Variants in PRMT8 observed in about 807,000 individuals in gnomAD.
The protein encoded by PRMT8 is protein arginine N-methyltransferase 8.
In PRMT8, 7 loss-of-function variants were observed where a neutral mutation model predicts 47.1. That is an observed-to-expected ratio of 0.15 (90% CI 0.08 to 0.28). The LOEUF is 0.28. PRMT8 is among the 10% of genes least tolerant of loss of function. The probability of loss-of-function intolerance (pLI) is 1.00; values close to 1 mark genes in which losing one functional copy is unlikely to be tolerated. For synonymous variants in PRMT8, 188 were observed against 186.5 expected (o/e 1.01, Z -0.07); for missense variants, 237 against 505.4 (o/e 0.47, Z 5.09).
Position 3,569,372 on chromosome 12 carries a change from G to A in PRMT8, c.625-105G>A, listed in dbSNP as rs1282905108. 2 of 922,438 alleles carry A rather than the reference G, an allele frequency of 2.2e-6. No individual in the cohort carries two copies. Among genetic ancestry groups the A allele is most frequent in the Non-Finnish European group, 1.8e-6 (1 of 555,006 alleles). The allele number at this position is 922,438 out of a possible 1,614,324, so 57.1% of individuals were successfully genotyped here. A position where few individuals can be genotyped will look rare whatever the true frequency, so the allele number is the denominator to read the frequency against. On this transcript the variant is annotated intron_variant, in intron 5 of 9. Transcript: ENST00000382622. This position sits in a 1 kb window ranked among gnomAD's most constrained non-coding sequence, Gnocchi z 8.2. ...GTGACAGTCCACTGCATGAGAGATGGTGGCAAGGGGGTGCTTGTCTGGTGA... is the reference window on the plus strand; with the variant it reads ...GTGACAGTCCACTGCATGAGAGATGATGGCAAGGGGGTGCTTGTCTGGTGA...
intron 1 of PRMT8, among the ~76,000 whole-genome samples, chr12:3,403,397 C>G (rs1864338033): frequency 6.6e-6 from 1 of 151,418 alleles, no homozygotes; most frequent in Non-Finnish European, 1.5e-5. Flanking sequence ...ATGATCTGTG[C>G]AGCAAACCAC....
intron 1 of PRMT8, among the ~76,000 whole-genome samples, chr12:3,510,098 T>C (rs78876290): frequency 0.017 from 2,520 of 152,268 alleles, 78 homozygotes; most frequent in African/African-American, 0.056. Context: ...CCACCATTAC[T>C]GGCTGCTCTG....
intron 1 of PRMT8, among the ~76,000 whole-genome samples, chr12:3,444,230 T>C (rs1244058240): frequency 6.6e-6 from 1 of 152,198 alleles, no homozygotes; most frequent in Non-Finnish European, 1.5e-5. Flanking sequence ...AGAAAAGTCC[T>C]CGTCCCAGAT....
chr12:3,548,741 A>G (rs78494582), intron 2 of PRMT8, among the ~76,000 whole-genome samples: 3,206 of 152,236 alleles, frequency 0.021, 114 homozygotes, highest in African/African-American at 0.073. Flanking sequence ...GGAGTGTAAA[A>G]TGGTACAACT....
intron 1 of PRMT8, among the ~76,000 whole-genome samples, chr12:3,415,313 C>T (rs896191507): frequency 2.0e-5 from 3 of 152,174 alleles, no homozygotes; most frequent in Non-Finnish European, 2.9e-5. Flanking sequence ...GCCCCCCGAA[C>T]CCAGTCCTGT....
chr12:3,455,900 G>C (rs1244734497), intron 1 of PRMT8, among the ~76,000 whole-genome samples: 1 of 152,146 alleles, frequency 6.6e-6, no homozygotes, highest in Admixed American at 6.5e-5. Context: ...GTGGGACAGG[G>C]CCGCGTGATG....
At chr12:3,490,368 A>C (rs1377522251), upstream of PRMT8, among the ~76,000 whole-genome samples, 1 of 152,144 alleles carries the variant, frequency 6.6e-6, no homozygotes, top group Non-Finnish European at 1.5e-5. Context: ...TTGTATAAAA[A>C]TTCACACCCC....
intron 1 of PRMT8, among the ~76,000 whole-genome samples, chr12:3,528,600 T>C (rs1305353128): frequency 6.6e-6 from 1 of 152,210 alleles, no homozygotes; most frequent in Non-Finnish European, 1.5e-5. Context: ...TTTAATGTCT[T>C]ATATACTAAT....
At chr12:3,388,950 A>G (rs543001613) in intron 1 of PRMT8, among the ~76,000 whole-genome samples, 21 of 152,286 alleles carry the variant, frequency 1.4e-4, no homozygotes, top group African/African-American at 4.6e-4. Flanking sequence ...TGAATAAATT[A>G]TATTTTATTC....
rs2137181754 is a variant in PRMT8 at position 3,553,805 on chromosome 12, A to G, written c.481+91A>G. ...GGATGGCATAGCGGGAGGAGCGCAG[A>G]GCACTTGGACTTGGGGAGGTGGTGC... On this transcript the variant is annotated intron_variant, in intron 4 of 9. Coordinates refer to ENST00000382622, the MANE Select transcript of PRMT8 (RefSeq NM_019854.5). 3 of 1,246,800 alleles carry G rather than the reference A, an allele frequency of 2.4e-6. No homozygotes were observed. The South Asian group carries it at 3.6e-5, about 15-fold the overall frequency. The allele number at this position is 1,246,800 out of a possible 1,614,324, so 77.2% of individuals were successfully genotyped here.
chr12:3,534,379 C>T (rs1279408789), intron 1 of PRMT8, among the ~76,000 whole-genome samples: 1 of 152,154 alleles, frequency 6.6e-6, no homozygotes, highest in Non-Finnish European at 1.5e-5. Flanking sequence ...GCTGGCTTCC[C>T]TCTCCCCTCT....
intron 1 of PRMT8, among the ~76,000 whole-genome samples, chr12:3,415,015 C>T (rs1403016282): frequency 1.3e-5 from 2 of 152,110 alleles, no homozygotes; most frequent in South Asian, 2.1e-4. Flanking sequence ...GTTTAGCCAG[C>T]CCCCATTTCC....
intron 1 of PRMT8, among the ~76,000 whole-genome samples, chr12:3,537,402 G>C (rs115635917): frequency 0.012 from 1,858 of 152,162 alleles, 42 homozygotes; most frequent in African/African-American, 0.043. Context: ...GCTTGTAAGA[G>C]CTCTCTACGT....
rs1866373275 is a variant in PRMT8 at position 3,549,000 on chromosome 12, G to A, written c.262-936G>A. Reference sequence around the variant, plus strand: ...CAACAAAAGAACAAACCTCGGATCTGTGTAATAACATACATGAATCTCAAA... The same window carrying A: ...CAACAAAAGAACAAACCTCGGATCTATGTAATAACATACATGAATCTCAAA... On this transcript the variant is annotated intron_variant, in intron 2 of 9. Coordinates refer to ENST00000382622, the MANE Select transcript of PRMT8 (RefSeq NM_019854.5). Among the ~76,000 whole-genome samples, 3 of 152,304 alleles carry A rather than the reference G, an allele frequency of 2.0e-5. No homozygotes were observed. The East Asian group carries it at 5.8e-4, about 29-fold the overall frequency.
chr12:3,435,687 A>C lies in PRMT8; in HGVS notation c.48+54245A>C, dbSNP rs564893081. On this transcript the variant is annotated intron_variant, in intron 1 of 9. Transcript: ENST00000452611. ...CAGGCACCTGCCACCACACCCAGCT[A>C]ATTTTTGTATTTTTAGCAGACACAG... Among the ~76,000 whole-genome samples the C allele has an allele frequency of 1.3e-4, 19 of 151,858 alleles. 1 individual carries two copies. In the East Asian group the frequency reaches 2.2e-3, roughly 17 times the overall value.
intron 1 of PRMT8, among the ~76,000 whole-genome samples, chr12:3,395,896 C>G (rs1428780421): frequency 1.3e-5 from 2 of 152,130 alleles, no homozygotes; most frequent in Admixed American, 6.5e-5. Flanking sequence ...CTGGGTGCTC[C>G]TGTATTGAGT....
At chr12:3,489,030 A>G (rs1370300008), upstream of PRMT8, among the ~76,000 whole-genome samples, 1 of 152,136 alleles carries the variant, frequency 6.6e-6, no homozygotes, top group African/African-American at 2.4e-5. Flanking sequence ...TCCAGCCTTT[A>G]TGGAACCACC....
chr12:3,476,771 T>C (rs1865218951), intron 1 of PRMT8, among the ~76,000 whole-genome samples: 1 of 152,212 alleles, frequency 6.6e-6, no homozygotes, highest in Admixed American at 6.5e-5. Context: ...TGTCTACCTG[T>C]CAAAGTGTCT....
At chr12:3,430,829 G>T (rs1383755043) in intron 1 of PRMT8, among the ~76,000 whole-genome samples, 1 of 152,214 alleles carries the variant, frequency 6.6e-6, no homozygotes, top group Non-Finnish European at 1.5e-5. Context: ...TATGATAGTT[G>T]CTGGAAACAC....
Sources: gnomAD v4.1 joint callset for allele counts (sites outside exome capture counted in the v4.1 genomes callset) on GRCh38, gnomAD v4.1.1 for gene constraint, Gnocchi (gnomAD v3.1) non-coding constraint, MANE v1.5 for transcripts, NCBI Gene and HGNC (gene_info 2026-07-23, HGNC 2026-07-21) for gene names.